CCNC: variants seen among roughly 807,000 people sequenced by gnomAD.
The protein encoded by CCNC is cyclin C.
CCNC carries 19 observed loss-of-function variants against 50.0 expected under a neutral mutation model. The observed-to-expected ratio is 0.38, with a 90% confidence interval of 0.27 to 0.56. The LOEUF (loss-of-function observed/expected upper bound fraction) is 0.56. CCNC is among the 20% of genes least tolerant of loss of function. The pLI is 0.72. For missense variants in CCNC, 200 were observed against 327.1 expected (o/e 0.61, Z 3.00); for synonymous variants, 93 against 103.7 (o/e 0.90, Z 0.63).
chr6:99,546,827 T>A (rs902915489), intron 9 of CCNC, among the ~76,000 whole-genome samples: 1 of 152,178 alleles, frequency 6.6e-6, no homozygotes, highest in Non-Finnish European at 1.5e-5. Flanking sequence ...CAGAAGTCAG[T>A]GTGACAAAAC....
At chr6:99,566,489 A>C (rs1442925050) in intron 1 of CCNC, among the ~76,000 whole-genome samples, 1 of 152,038 alleles carries the variant, frequency 6.6e-6, no homozygotes, top group East Asian at 1.9e-4. Flanking sequence ...TTAGTTTTGT[A>C]GTTTTTATTT....
intron 5 of CCNC, 26 bp from the exon 6 acceptor site, chr6:99,551,921 A>T: frequency 7.4e-7 from 1 of 1,357,710 alleles, no homozygotes; most frequent in East Asian, 2.6e-5. Context: ...AAAAAATTTA[A>T]ACTGAGAAAA....
chr6:99,546,718 TGA>T lies in CCNC; in HGVS notation c.599-246_599-245del, dbSNP rs547996448. On this transcript the variant is annotated intron_variant, in intron 9 of 11. Transcript: ENST00000520429. ...CGTGCTAGTCATGGTGCAGTTGCCT[TGA>T]GAGTCAGGCACGTTAAAGAGGAAAA... is the stretch of plus-strand genomic sequence containing the variant. Among the ~76,000 whole-genome samples the T allele has an allele frequency of 1.2e-4, 19 of 152,270 alleles. No homozygotes were observed. In the South Asian group the frequency reaches 3.5e-3, roughly 28 times the overall value.
At chr6:99,553,909 T>C (rs1421346765) in intron 5 of CCNC, among the ~76,000 whole-genome samples, 1 of 152,208 alleles carries the variant, frequency 6.6e-6, no homozygotes, top group African/African-American at 2.4e-5. Context: ...TTTGTTACAA[T>C]TACTGACCCA....
At chr6:99,548,698 C>A (rs1319486252) in intron 9 of CCNC, among the ~76,000 whole-genome samples, 1 of 150,978 alleles carries the variant, frequency 6.6e-6, no homozygotes, top group East Asian at 2.0e-4. Flanking sequence ...ACCTATAATC[C>A]TCCTGTAGGC....
At chr6:99,551,509 T>C (rs1158066338) in intron 6 of CCNC, among the ~76,000 whole-genome samples, 1 of 152,132 alleles carries the variant, frequency 6.6e-6, no homozygotes, top group Non-Finnish European at 1.5e-5. Flanking sequence ...CCCAGCTAAA[T>C]AGTAGTATCA....
intron 4 of CCNC, among the ~76,000 whole-genome samples, chr6:99,559,135 T>C (rs1802666969): frequency 6.6e-6 from 1 of 151,252 alleles, no homozygotes; most frequent in African/African-American, 2.4e-5. Context: ...TGCCATTCTA[T>C]GGTAAAACAG....
intron 5 of CCNC, among the ~76,000 whole-genome samples, chr6:99,552,918 T>C (rs936775006): frequency 6.6e-6 from 1 of 152,068 alleles, no homozygotes; most frequent in African/African-American, 2.4e-5. Flanking sequence ...GGCATGCACC[T>C]GTAGTCCCGG....
chr6:99,544,923 T>G (rs918985254), intron 11 of CCNC, among the ~76,000 whole-genome samples, 189 bp downstream of exon 11: 7 of 152,110 alleles, frequency 4.6e-5, no homozygotes, highest in African/African-American at 1.7e-4. Context: ...GAAAAGTTAC[T>G]AATCAGATTA....
At chr6:99,558,988 A>T (rs760759037) in intron 4 of CCNC, among the ~76,000 whole-genome samples, 15 of 152,154 alleles carry the variant, frequency 9.9e-5, no homozygotes, top group Admixed American at 7.9e-4. Flanking sequence ...ACCAAATTAG[A>T]AACCAAGCCT....
At position 99,561,941 on chromosome 6, in the gene CCNC, A is replaced by C. The variant is rs370764532; in HGVS notation, c.140-260T>G. The C allele has an allele frequency of 2.7e-5, 6 of 225,766 alleles. No individual in the cohort carries two copies. The East Asian group carries it at 2.7e-4, about 10-fold the overall frequency. 14.0% of individuals were successfully genotyped at this position (225,766 alleles called of 1,614,324 possible). ...CACAGGAAAAAATTATTCATCCATT[A>C]AGGAAGTTGAATAAATATTTCCCCT... On this transcript the variant is annotated intron_variant, in intron 2 of 11. Transcript: ENST00000520429.
At chr6:99,568,797 G>A, upstream of CCNC, 6 of 1,054,022 alleles carry the variant, frequency 5.7e-6, no homozygotes, top group Non-Finnish European at 7.6e-6. Context: ...GACCCTTGGA[G>A]GTGCTGAGAT....
chr6:99,559,793 C>T (rs1487545068), intron 4 of CCNC, among the ~76,000 whole-genome samples: 1 of 149,522 alleles, frequency 6.7e-6, no homozygotes, highest in Non-Finnish European at 1.5e-5. Flanking sequence ...AGTCTTGGCT[C>T]ACTGCAACCT....
At chr6:99,555,888 C>T (rs1451160987) in intron 5 of CCNC, among the ~76,000 whole-genome samples, 1 of 152,108 alleles carries the variant, frequency 6.6e-6, no homozygotes. Context: ...TTTTTCAGTA[C>T]CAGCTTCAGC....
At chr6:99,561,527 C>G in intron 3 of CCNC, 70 bp downstream of exon 3, 1 of 1,349,148 alleles carries the variant, frequency 7.4e-7, no homozygotes, top group Non-Finnish European at 1.0e-6. Flanking sequence ...ACACATGATT[C>G]ATTTACACTG....
chr6:99,543,763 C>CTT, intron 11 of CCNC, 154 bp from the exon 12 acceptor site: 1 of 1,423,128 alleles, frequency 7.0e-7, no homozygotes. Flanking sequence ...AATTAAAATC[C>CTT]AGAAGACTAA....
intron 9 of CCNC, among the ~76,000 whole-genome samples, chr6:99,547,513 G>A (rs1269956268): frequency 6.6e-6 from 1 of 152,006 alleles, no homozygotes; most frequent in Non-Finnish European, 1.5e-5. Flanking sequence ...AGTGGGAGAA[G>A]AGAATAGTAT....
In CCNC at chr6:99,562,843, A is replaced by G. The variant is rs750034845; in HGVS notation, c.138T>C (p.Asn46=). Residue 46 remains asparagine, a splice_region_variant and synonymous_variant, in exon 2 of 12, where the codon AAT becomes AAC. Transcript: ENST00000520429. ...GAACCAATTTTTAAAAAAGTTTACC[A>G]TTTGTAAAAAATATTTGTAACTTCC... ...EYWKLQIFFT[N]VIQALGEHLK... The G allele has an allele frequency of 6.5e-7, 1 of 1,547,892 alleles. No individual in the cohort carries two copies. Among genetic ancestry groups the G allele is most frequent in the Non-Finnish European group, 8.8e-7 (1 of 1,131,802 alleles).
chr6:99,546,291 A>G (rs573056860), intron 10 of CCNC, 104 bp downstream of exon 10: 25 of 762,296 alleles, frequency 3.3e-5, no homozygotes, highest in Non-Finnish European at 4.6e-5. Flanking sequence ...TTTGTAACCA[A>G]TAATCTTCTT....
Sources: gnomAD v4.1 joint callset for allele counts (sites outside exome capture counted in the v4.1 genomes callset) on GRCh38, gnomAD v4.1.1 for gene constraint, MANE v1.5 for transcripts, NCBI Gene and HGNC (gene_info 2026-07-23, HGNC 2026-07-21) for gene names.